CTDSP2: variants seen among roughly 807,000 people sequenced by gnomAD.
CTDSP2 encodes the protein carboxy-terminal domain RNA polymerase II polypeptide A small phosphatase 2.
In CTDSP2, 9 loss-of-function variants were observed where a neutral mutation model predicts 31.6. The ratio of observed to expected loss-of-function variants is 0.28; its 90% CI spans 0.17 to 0.50. CTDSP2 has a LOEUF of 0.50. Among genes scored for constraint, CTDSP2 ranks in the 20% least tolerant of loss-of-function variants. The probability of loss-of-function intolerance (pLI) is 0.98; values close to 1 mark genes in which losing one functional copy is unlikely to be tolerated. For missense variants in CTDSP2, 267 were observed against 348.5 expected (o/e 0.77, Z 1.86); for synonymous variants, 134 against 134.5 (o/e 1.00, Z 0.03).
chr12:57,828,779 A>C (rs1167242718), intron 2 of CTDSP2, among the ~76,000 whole-genome samples: 1 of 152,270 alleles, frequency 6.6e-6, no homozygotes, highest in Non-Finnish European at 1.5e-5. Flanking sequence ...TCAGTGTTTC[A>C]GAGAAGTACC....
chr12:57,823,002 T>C lies in CTDSP2; in HGVS notation c.*600A>G, dbSNP rs1956157051. On this transcript the variant is annotated 3_prime_UTR_variant, in exon 8 of 8. Coordinates refer to ENST00000398073, the MANE Select transcript of CTDSP2 (RefSeq NM_005730.4). ...ACTCAGCCGGAGGCAAGCATAGCCT[T>C]TGGGCCACAAGACCTGATGGCCACT... The C allele has an allele frequency of 6.5e-6, 1 of 154,566 alleles. No individual in the cohort carries two copies. The highest frequency in any genetic ancestry group is 2.4e-5 in the African/African-American group (1 of 41,468). 9.6% of individuals were successfully genotyped at this position (154,566 alleles called of 1,614,324 possible).
chr12:57,846,198 C>T (rs1185299306), intron 1 of CTDSP2, among the ~76,000 whole-genome samples, 174 bp downstream of exon 1: 3 of 152,214 alleles, frequency 2.0e-5, no homozygotes, highest in Non-Finnish European at 4.4e-5. Flanking sequence ...CCGTGCAACC[C>T]CCACGGAGGT....
intron 1 of CTDSP2, among the ~76,000 whole-genome samples, chr12:57,830,421 CCAA>C (rs376992203): frequency 1.4e-3 from 212 of 151,734 alleles, no homozygotes; most frequent in South Asian, 4.8e-3. Flanking sequence ...ACAAACAAAA[CCAA>C]CAACAACAAC....
At chr12:57,832,026 T>C (rs937426453) in intron 1 of CTDSP2, among the ~76,000 whole-genome samples, 1 of 152,180 alleles carries the variant, frequency 6.6e-6, no homozygotes, top group Non-Finnish European at 1.5e-5. Flanking sequence ...TGGACAAGTA[T>C]AGTCAGCATC....
intron 1 of CTDSP2, among the ~76,000 whole-genome samples, chr12:57,836,632 A>T (rs1299442497): frequency 1.3e-5 from 2 of 152,000 alleles, no homozygotes; most frequent in African/African-American, 4.8e-5. Context: ...ACAGAGTGAG[A>T]TTTTGTCTTT....
chr12:57,839,622 C>A (rs767465262), intron 1 of CTDSP2, among the ~76,000 whole-genome samples: 1 of 152,004 alleles, frequency 6.6e-6, no homozygotes, highest in Non-Finnish European at 1.5e-5. Context: ...GGAGGCTGAG[C>A]CAGGAGAATG....
chr12:57,841,917 A>C (rs1156803058), intron 1 of CTDSP2, among the ~76,000 whole-genome samples: 2 of 152,226 alleles, frequency 1.3e-5, no homozygotes, highest in East Asian at 3.8e-4. Flanking sequence ...AGAATACTAA[A>C]GTGATTTATC....
chr12:57,845,111 G>C, intron 1 of CTDSP2, among the ~76,000 whole-genome samples: 1 of 152,178 alleles, frequency 6.6e-6, no homozygotes, highest in East Asian at 1.9e-4. Context: ...CCAGGCTCTA[G>C]GCCTCAGTGT....
chr12:57,846,196 C>A (rs1157694294), intron 1 of CTDSP2, among the ~76,000 whole-genome samples, 176 bp downstream of exon 1: 1 of 152,214 alleles, frequency 6.6e-6, no homozygotes, highest in African/African-American at 2.4e-5. Context: ...CCCCGTGCAA[C>A]CCCCACGGAG....
intron 1 of CTDSP2, among the ~76,000 whole-genome samples, chr12:57,844,482 C>T (rs1467007897): frequency 6.6e-6 from 1 of 152,152 alleles, no homozygotes. Flanking sequence ...CAAGAGAGTC[C>T]CTGCAAGAGA....
chr12:57,846,510 C>T lies in CTDSP2; in HGVS notation c.-75G>A, dbSNP rs1042605194. 2 of 1,277,510 alleles carry T rather than the reference C, an allele frequency of 1.6e-6. No homozygotes were observed. The highest frequency in any genetic ancestry group is 1.6e-5 in the South Asian group (1 of 60,906). The allele number at this position is 1,277,510 out of a possible 1,614,324, so 79.1% of individuals were successfully genotyped here. On this transcript the variant is annotated 5_prime_UTR_variant, in exon 1 of 8. Coordinates refer to ENST00000398073, the MANE Select transcript of CTDSP2 (RefSeq NM_005730.4). ...CGCGGGCTGGGCTGGGCTGGGGGGC[C>T]TGGGCGGGGGCCCGCTCCGGCTCCC...
intron 1 of CTDSP2, among the ~76,000 whole-genome samples, chr12:57,838,597 G>C (rs1390109611): frequency 6.6e-6 from 1 of 152,236 alleles, no homozygotes; most frequent in Non-Finnish European, 1.5e-5. Context: ...TTCCAGGTAT[G>C]TAGGCCTGCT....
At chr12:57,839,543 CG>C (rs1486207210) in intron 1 of CTDSP2, among the ~76,000 whole-genome samples, 7 of 152,082 alleles carry the variant, frequency 4.6e-5, no homozygotes, top group East Asian at 1.9e-4. Flanking sequence ...ACAGTGAAAC[CG>C]CGTCTCTACT....
chr12:57,831,193 C>T (rs35120348), intron 1 of CTDSP2, among the ~76,000 whole-genome samples: 7,346 of 151,422 alleles, frequency 0.049, 235 homozygotes, highest in Middle Eastern at 0.079. Flanking sequence ...TGGTGGCTCA[C>T]GCCTGTAATC....
At chr12:57,839,651 G>A (rs902429800) in intron 1 of CTDSP2, among the ~76,000 whole-genome samples, 3 of 152,082 alleles carry the variant, frequency 2.0e-5, no homozygotes, top group Admixed American at 2.0e-4. Context: ...CCAGGAGGTG[G>A]AGCTTGCAGT....
At chr12:57,846,249 G>T in intron 1 of CTDSP2, 123 bp downstream of exon 1, 3 of 834,578 alleles carry the variant, frequency 3.6e-6, no homozygotes, top group East Asian at 3.2e-5. Flanking sequence ...GGACCGGAGG[G>T]GTCCAGTCGG....
intron 1 of CTDSP2, among the ~76,000 whole-genome samples, chr12:57,833,321 A>C (rs1956228091): frequency 6.6e-6 from 1 of 152,152 alleles, no homozygotes; most frequent in Non-Finnish European, 1.5e-5. Flanking sequence ...TCTTCTCAAA[A>C]ACCCAATGTG....
At chr12:57,838,274 C>T (rs1289254748) in intron 1 of CTDSP2, among the ~76,000 whole-genome samples, 1 of 152,198 alleles carries the variant, frequency 6.6e-6, no homozygotes, top group Non-Finnish European at 1.5e-5. Flanking sequence ...CACAGGGCAG[C>T]AGGGACAAGC....
intron 2 of CTDSP2, among the ~76,000 whole-genome samples, chr12:57,829,144 G>A (rs542258903): frequency 6.6e-6 from 1 of 152,296 alleles, no homozygotes; most frequent in East Asian, 1.9e-4. Flanking sequence ...TCTCCTTACA[G>A]GGCTGCTGGC....
Sources: allele counts gnomAD v4.1 joint callset (sites outside exome capture counted in the v4.1 genomes callset), GRCh38; gene constraint gnomAD v4.1.1; transcripts MANE v1.5; gene names NCBI Gene and HGNC (gene_info 2026-07-23, HGNC 2026-07-21).